The following CHEK2 variants were observed in gnomAD, a reference collection of about 807,000 sequenced individuals.
The protein encoded by CHEK2 is checkpoint kinase 2, also known as serine/threonine-protein kinase Chk2.
CHEK2 carries 71 observed loss-of-function variants against 69.1 expected under a neutral mutation model. The ratio of observed to expected loss-of-function variants is 1.03; its 90% CI spans 0.85 to 1.25. The LOEUF (loss-of-function observed/expected upper bound fraction) is 1.25. CHEK2 is among the 50% of genes most tolerant of loss of function. The probability of loss-of-function intolerance (pLI) is 0.00; values close to 1 mark genes in which losing one functional copy is unlikely to be tolerated. For missense variants in CHEK2, 664 were observed against 649.6 expected, an observed-to-expected ratio of 1.02 and a Z score of -0.24; for synonymous variants, 189 against 226.9, an observed-to-expected ratio of 0.83 and a Z score of 1.50.
chr22:28,694,676 A>G (rs1181130428), intron 12 of CHEK2, among the ~76,000 whole-genome samples: 1 of 152,228 alleles, frequency 6.6e-6, no homozygotes, highest in African/African-American at 2.4e-5. Context: ...TCAGGGAACT[A>G]AAGTTGCCAG....
chr22:28,700,040 T>C (rs1401881728), intron 8 of CHEK2, 103 bp from the exon 9 acceptor site: 7 of 758,492 alleles, frequency 9.2e-6, no homozygotes, highest in East Asian at 7.4e-5. Context: ...AAGCAAACAG[T>C]TGACATTTTT....
chr22:28,706,725 C>G (rs924510874), intron 7 of CHEK2, among the ~76,000 whole-genome samples: 8 of 152,126 alleles, frequency 5.3e-5, no homozygotes, highest in Non-Finnish European at 1.0e-4. Flanking sequence ...TCGAGACCAG[C>G]CTGGCCAACA....
Position 28,736,526 on chromosome 22 carries a change from T to C in CHEK2, c.-6-1799A>G, listed in dbSNP as rs141469081. Among the ~76,000 whole-genome samples the C allele has an allele frequency of 7.7e-3, 1,166 of 152,364 alleles. 16 individuals carry two copies. The highest frequency in any genetic ancestry group is 0.027 in the African/African-American group (1,126 of 41,590). On this transcript the variant is annotated intron_variant, in intron 1 of 14. Transcript: ENST00000404276. ...CTAAATAACCATAGGGCTTATCTTT[T>C]CAGCATCCTAAATGGCCTTCCGGCC...
intron 1 of CHEK2, among the ~76,000 whole-genome samples, chr22:28,740,909 A>AC (rs990373272): frequency 1.3e-5 from 2 of 152,098 alleles, no homozygotes; most frequent in African/African-American, 4.8e-5. Flanking sequence ...TAATCCCAGC[A>AC]CTTTGGGAGG....
intron 13 of CHEK2, 143 bp downstream of exon 13, chr22:28,693,888 AT>A: frequency 2.8e-6 from 2 of 716,784 alleles, no homozygotes; most frequent in Non-Finnish European, 5.1e-6. Flanking sequence ...GTTGTAACCC[AT>A]CCTCCAAGAT....
At chr22:28,707,922 C>T (rs1239222809) in intron 7 of CHEK2, among the ~76,000 whole-genome samples, 1 of 150,520 alleles carries the variant, frequency 6.6e-6, no homozygotes, top group Non-Finnish European at 1.5e-5. Flanking sequence ...CTGCAAGCTC[C>T]GCCTCCCGGG....
At chr22:28,702,757 G>A (rs2052936760) in intron 8 of CHEK2, among the ~76,000 whole-genome samples, 1 of 151,280 alleles carries the variant, frequency 6.6e-6, no homozygotes, top group Non-Finnish European at 1.5e-5. Flanking sequence ...ATGTTGGCCA[G>A]GCTGGTCTCG....
Position 28,695,754 on chromosome 22 carries a change from G to T in CHEK2, c.1215C>A (p.Asn405Lys), listed in dbSNP as rs587780171. The T allele has an allele frequency of 7.9e-5, 128 of 1,613,668 alleles. No individual in the cohort carries two copies. Among genetic ancestry groups the T allele is most frequent in the Admixed American group, 1.2e-4 (7 of 59,986 alleles). ...VLVSVGTAGY[N>K]RAVDCWSLGV... is the part of the protein sequence containing the mutation. ...CTAAACTCCAGCAGTCCACAGCACG[G>T]TTATACCCAGCAGTCCCAACAGAAA... The change falls in exon 11 of 15, where the codon AAC (asparagine) becomes AAA (lysine). Residue 405 changes from asparagine (N) to lysine (K), a missense_variant. Coordinates refer to ENST00000404276, the MANE Select transcript of CHEK2 (RefSeq NM_007194.4).
At chr22:28,721,725 A>C (rs761121727) in intron 4 of CHEK2, 2 of 391,542 alleles carry the variant, frequency 5.1e-6, no homozygotes, top group Admixed American at 6.5e-5. Flanking sequence ...CATGTTGTAC[A>C]TGATAAATAC....
chr22:28,721,447 C>T (rs368712530), intron 4 of CHEK2: 6 of 318,176 alleles, frequency 1.9e-5, no homozygotes, highest in Non-Finnish European at 3.3e-5. Flanking sequence ...CCATCATGCC[C>T]GGCTAATTTT....
At chr22:28,735,286 T>C (rs1246501689) in intron 1 of CHEK2, among the ~76,000 whole-genome samples, 1 of 151,718 alleles carries the variant, frequency 6.6e-6, no homozygotes, top group Non-Finnish European at 1.5e-5. Flanking sequence ...GGCACCTGTA[T>C]TCTCAGCTAC....
chr22:28,695,879 A>C lies in CHEK2; in HGVS notation c.1096-6T>G, dbSNP rs1180195480. The stretch of plus-strand genomic sequence containing the variant: ...GAGTGCCCAAAATCAGTAATCTAAA[A>C]TTCAGTACAAAAGGGAATAATGTTG... On this transcript the variant is annotated splice_region_variant and splice_polypyrimidine_tract_variant and intron_variant, in intron 10 of 14. Transcript: ENST00000404276. The C allele has an allele frequency of 1.9e-6, 3 of 1,606,552 alleles. No individual in the cohort carries two copies. The highest frequency in any genetic ancestry group is 2.6e-6 in the Non-Finnish European group (3 of 1,173,238).
chr22:28,693,189 G>A (rs544435964), intron 13 of CHEK2, among the ~76,000 whole-genome samples: 14 of 152,252 alleles, frequency 9.2e-5, no homozygotes, highest in South Asian at 6.2e-4. Flanking sequence ...GCCCAATGCC[G>A]TGGCTAATTC....
chr22:28,700,794 A>G (rs2052811226), intron 8 of CHEK2, among the ~76,000 whole-genome samples: 1 of 151,936 alleles, frequency 6.6e-6, no homozygotes. Flanking sequence ...TCCTTTATTT[A>G]TTTATTTATT....
intron 2 of CHEK2, among the ~76,000 whole-genome samples, chr22:28,732,708 CA>C (rs1226112278): frequency 6.6e-6 from 1 of 152,072 alleles, no homozygotes; most frequent in Non-Finnish European, 1.5e-5. Flanking sequence ...TGACAAAACA[CA>C]AAATGATACA....
At chr22:28,702,490 G>A (rs1367549437) in intron 8 of CHEK2, among the ~76,000 whole-genome samples, 13 of 149,580 alleles carry the variant, frequency 8.7e-5, no homozygotes, top group African/African-American at 2.7e-4. Context: ...CGCCCGCCTT[G>A]GCCTCCCTAA....
At chr22:28,704,121 G>C (rs199519535) in intron 7 of CHEK2, among the ~76,000 whole-genome samples, 287 of 143,024 alleles carry the variant, frequency 2.0e-3, no homozygotes, top group East Asian at 0.016. Flanking sequence ...GAGACAGACA[G>C]ACACACACAC....
At chr22:28,739,620 C>T (rs542729801) in intron 1 of CHEK2, among the ~76,000 whole-genome samples, 18 of 151,910 alleles carry the variant, frequency 1.2e-4, no homozygotes, top group African/African-American at 4.1e-4. Context: ...ACCCGGGAGG[C>T]AGAGGAGGCA....
intron 2 of CHEK2, among the ~76,000 whole-genome samples, chr22:28,730,937 C>T (rs1230583765): frequency 6.6e-6 from 1 of 152,158 alleles, no homozygotes; most frequent in East Asian, 1.9e-4. Flanking sequence ...GGCACTGTGG[C>T]TTATGCCTGT....
Sources: gnomAD v4.1 joint callset for allele counts (sites outside exome capture counted in the v4.1 genomes callset) on GRCh38, gnomAD v4.1.1 for gene constraint, MANE v1.5 for transcripts, NCBI Gene and HGNC (gene_info 2026-07-23, HGNC 2026-07-21) for gene names.